Variants in NALF1 observed in about 807,000 individuals in gnomAD.
NALF1 encodes the protein NALCN channel auxiliary factor 1.
Under a neutral mutation model 48.4 loss-of-function variants are expected in NALF1, and 3 were observed. The observed-to-expected ratio is 0.06, with a 90% CI of 0.03 to 0.16. NALF1 has a LOEUF of 0.16. Among genes scored for constraint, NALF1 ranks in the 10% least tolerant of loss-of-function variants. The pLI, the probability that NALF1 is intolerant of heterozygous loss-of-function variation, is 1.00. For missense variants in NALF1, 526 were observed against 571.5 expected, an observed-to-expected ratio of 0.92 and a Z score of 0.81; for synonymous variants, 262 against 245.7, an observed-to-expected ratio of 1.07 and a Z score of -0.62.
intron 1 of NALF1, among the ~76,000 whole-genome samples, chr13:107,780,662 T>C (rs939096487): frequency 2.0e-5 from 3 of 151,982 alleles, no homozygotes; most frequent in African/African-American, 7.2e-5. Flanking sequence ...ACAGTGGTGG[T>C]GGCTCACACC....
intron 1 of NALF1, among the ~76,000 whole-genome samples, chr13:107,816,942 C>A (rs932167420): frequency 6.6e-6 from 1 of 152,170 alleles, no homozygotes; most frequent in Non-Finnish European, 1.5e-5. Flanking sequence ...TTTATCATTT[C>A]ACCTTTTCCT....
At chr13:107,527,611 T>G (rs1026044356) in intron 1 of NALF1, among the ~76,000 whole-genome samples, 1 of 152,130 alleles carries the variant, frequency 6.6e-6, no homozygotes, top group Non-Finnish European at 1.5e-5. Context: ...CCAAAGCACA[T>G]ATTGAATTGT....
intron 1 of NALF1, among the ~76,000 whole-genome samples, chr13:107,338,505 T>C (rs2138931502): frequency 6.6e-6 from 1 of 152,338 alleles, no homozygotes; most frequent in South Asian, 2.1e-4. Context: ...AGGCTGCCTG[T>C]GTTTGAATAC....
intron 1 of NALF1, among the ~76,000 whole-genome samples, chr13:107,397,471 G>T (rs1883731137): frequency 1.3e-5 from 2 of 152,122 alleles, no homozygotes; most frequent in African/African-American, 2.4e-5. Flanking sequence ...ACATGCCCAT[G>T]AATTACATAT....
At chr13:107,587,089 G>A (rs963638853) in intron 1 of NALF1, among the ~76,000 whole-genome samples, 4 of 151,964 alleles carry the variant, frequency 2.6e-5, no homozygotes, top group Admixed American at 6.6e-5. Flanking sequence ...CTTCTACTTA[G>A]AACTGTGCCT....
chr13:107,653,386 T>C (rs966670641), intron 1 of NALF1, among the ~76,000 whole-genome samples: 2 of 152,086 alleles, frequency 1.3e-5, no homozygotes, highest in African/African-American at 4.8e-5. Context: ...AATAGAATTA[T>C]CTGCCTACTT....
intron 1 of NALF1, among the ~76,000 whole-genome samples, chr13:107,291,877 TG>T (rs1881627922): frequency 6.6e-6 from 1 of 152,208 alleles, no homozygotes; most frequent in Non-Finnish European, 1.5e-5. Flanking sequence ...TATTCCAAAC[TG>T]ATTTAATTTT....
chr13:107,225,677 T>A (rs917102549), intron 1 of NALF1, among the ~76,000 whole-genome samples: 1 of 152,146 alleles, frequency 6.6e-6, no homozygotes, highest in Non-Finnish European at 1.5e-5. Context: ...ATGGAATAGA[T>A]CTTTAAATGC....
At chr13:107,623,988 G>A (rs778208546) in intron 1 of NALF1, among the ~76,000 whole-genome samples, 9 of 152,098 alleles carry the variant, frequency 5.9e-5, no homozygotes, top group South Asian at 2.1e-4. Context: ...CTGAAGCATC[G>A]GTGTATTCCA....
chr13:107,751,899 C>T (rs1876950945), intron 1 of NALF1, among the ~76,000 whole-genome samples: 1 of 151,990 alleles, frequency 6.6e-6, no homozygotes, highest in African/African-American at 2.4e-5. Flanking sequence ...AAATTCATGT[C>T]ATCAAGGTGC....
intron 1 of NALF1, among the ~76,000 whole-genome samples, chr13:107,491,993 C>G (rs1875141301): frequency 6.7e-6 from 1 of 149,762 alleles, no homozygotes; most frequent in Admixed American, 6.7e-5. Flanking sequence ...CTGGTAGGCT[C>G]CAAATGTACA....
chr13:107,645,210 T>C (rs1880283527), intron 1 of NALF1, among the ~76,000 whole-genome samples: 1 of 152,190 alleles, frequency 6.6e-6, no homozygotes. Context: ...AAGTGATTGC[T>C]GACAACACCA....
chr13:107,375,712 T>G (rs1356944649), intron 1 of NALF1, among the ~76,000 whole-genome samples: 1 of 152,170 alleles, frequency 6.6e-6, no homozygotes, highest in Non-Finnish European at 1.5e-5. Flanking sequence ...ACTCTAAGTT[T>G]GAAGAAAGTA....
Position 107,866,185 on chromosome 13 carries a change from C to T in NALF1, c.412G>A (p.Gly138Ser), listed in dbSNP as rs1034005001. ...SPTLPPSPGDGGGGGGKGNRG... is the reference protein window; with the variant it reads ...SPTLPPSPGDSGGGGGKGNRG... ...TTGCCCTTGCCGCCGCCGCCGCCGC[C>T]GTCTCCCGGGGAGGGGGGCAGGGTG... Residue 138 changes from glycine to serine, a missense_variant, in exon 1 of 3, where the codon GGC becomes AGC. Gly to Ser is a moderately conservative substitution (Grantham distance 56). This residue lies in a region of NALF1 where 373 missense variants were observed against 355.5 expected (regional missense o/e 1.05). Coordinates refer to ENST00000375915, the MANE Select transcript of NALF1 (RefSeq NM_001080396.3). This position sits in a 1 kb window ranked among gnomAD's most constrained non-coding sequence, Gnocchi z 4.4. The T allele has an allele frequency of 2.5e-6, 4 of 1,603,510 alleles. No individual in the cohort carries two copies. In the African/African-American group the frequency reaches 4.0e-5, roughly 16 times the overall value.
At chr13:107,494,618 G>A (rs1378976207) in intron 1 of NALF1, among the ~76,000 whole-genome samples, 2 of 152,166 alleles carry the variant, frequency 1.3e-5, no homozygotes, top group African/African-American at 2.4e-5. Context: ...TTGGAACCAT[G>A]AGTCTTGCAG....
At position 107,170,680 on chromosome 13, in the gene NALF1, G is replaced by A; in HGVS notation, c.1194C>T (p.Ser398=). The change falls in exon 3 of 3, where the codon TCC becomes TCT. Residue 398 remains serine, a synonymous_variant. Transcript: ENST00000375915. ...ACACTGTGAGCGATGTCCTGTGACA[G>A]GAGCCACTTTTCTCTACGGTCCCTT... ...PSKGTVEKSG[S]CHRTSLTVSS... is the part of the protein sequence containing the mutation. The A allele has an allele frequency of 6.2e-7, 1 of 1,614,204 alleles. No homozygotes were observed. The highest frequency in any genetic ancestry group is 1.1e-5 in the South Asian group (1 of 91,070).
intron 1 of NALF1, among the ~76,000 whole-genome samples, chr13:107,512,501 G>T (rs1389782308): frequency 1.3e-5 from 2 of 152,178 alleles, no homozygotes; most frequent in Non-Finnish European, 2.9e-5. Context: ...GGCTCATGAG[G>T]GTCCTTGGCT....
chr13:107,648,102 C>T lies in NALF1; in HGVS notation c.915+217580G>A, dbSNP rs557864316. ...ATTGGGCAGAGTATACAGACAGTCC[C>T]ATATGTCACCCCCCATACACATCTC... On this transcript the variant is annotated intron_variant, in intron 1 of 2. Transcript: ENST00000375915. 2.6e-4 allele frequency among the ~76,000 whole-genome samples: 40 copies of T among 152,128 alleles called. No homozygotes were observed. The South Asian group carries it at 7.9e-3, about 30-fold the overall frequency.
chr13:107,286,680 T>C (rs1594104708), intron 1 of NALF1, among the ~76,000 whole-genome samples: 1 of 151,580 alleles, frequency 6.6e-6, no homozygotes, highest in East Asian at 1.9e-4. Context: ...TTGTGATATA[T>C]ACATACAATG....
Sources: allele counts gnomAD v4.1 joint callset (sites outside exome capture counted in the v4.1 genomes callset), GRCh38; gene constraint gnomAD v4.1.1; regional missense constraint gnomAD v4.1.1; non-coding constraint Gnocchi (gnomAD v3.1); transcripts MANE v1.5; gene names NCBI Gene and HGNC (gene_info 2026-07-23, HGNC 2026-07-21).